The following CCDC141 variants were observed in gnomAD, a reference collection of about 807,000 sequenced individuals.
The protein encoded by CCDC141 is coiled-coil domain containing 141, also known as coiled-coil domain-containing protein 141.
Under a neutral mutation model 181.0 loss-of-function variants are expected in CCDC141, and 168 were observed. The observed-to-expected ratio is 0.93, with a 90% CI of 0.82 to 1.05. CCDC141 has a LOEUF of 1.05. CCDC141 is among the 50% of genes least tolerant of loss of function. The pLI is 0.00. For synonymous variants in CCDC141, 666 were observed against 642.3 expected (o/e 1.04, Z -0.56); for missense variants, 1,902 against 1,788.5 (o/e 1.06, Z -1.14).
intron 2 of CCDC141, among the ~76,000 whole-genome samples, chr2:179,009,084 TG>T (rs1305754044): frequency 6.6e-6 from 1 of 152,202 alleles, no homozygotes; most frequent in African/African-American, 2.4e-5. Flanking sequence ...TGCATGGGGT[TG>T]GTCCTGGGAC....
rs1691232019 is a variant in CCDC141 at position 178,978,677 on chromosome 2, T to G, written c.226-2A>C. On this transcript the variant is annotated splice_acceptor_variant, in intron 2 of 23. Coordinates refer to ENST00000443758, the MANE Select transcript of CCDC141 (RefSeq NM_173648.4). LOFTEE classifies it high-confidence loss of function. The stretch of plus-strand genomic sequence containing the variant: ...TTCCCATACCCGATCTTCCAAAGCC[T>G]AAGTACAAAAGAAAAAGGCATAAGG... 5 of 1,523,340 alleles carry G rather than the reference T, an allele frequency of 3.3e-6. 1 individual carries two copies. Among genetic ancestry groups the G allele is most frequent in the Middle Eastern group, 1.7e-4 (1 of 5,904 alleles). The allele number at this position is 1,523,340 out of a possible 1,614,324, so 94.4% of individuals were successfully genotyped here. A position where few individuals can be genotyped will look rare whatever the true frequency, so the allele number is the denominator to read the frequency against.
In CCDC141 at chr2:178,878,180, A is replaced by G. The variant is rs780995727; in HGVS notation, c.1720-37T>C. ...AAAAGAGAGTTAAGAACACTTAAAC[A>G]CATTTTTTTAAAGAAAAAGAACAGT... On this transcript the variant is annotated intron_variant, in intron 11 of 23. Transcript: ENST00000443758. The G allele has an allele frequency of 2.8e-6, 4 of 1,427,428 alleles. No homozygotes were observed. In the African/African-American group the frequency reaches 4.4e-5, roughly 16 times the overall value. The allele number at this position is 1,427,428 out of a possible 1,614,324, so 88.4% of individuals were successfully genotyped here.
intron 2 of CCDC141, among the ~76,000 whole-genome samples, chr2:179,012,403 C>T (rs532216254): frequency 1.3e-5 from 2 of 152,016 alleles, no homozygotes; most frequent in Non-Finnish European, 2.9e-5. Context: ...AATACAAACC[C>T]TCCTACCTTA....
intron 23 of CCDC141, among the ~76,000 whole-genome samples, chr2:178,835,600 G>A (rs1684444326): frequency 6.6e-6 from 1 of 152,082 alleles, no homozygotes; most frequent in Non-Finnish European, 1.5e-5. Flanking sequence ...GTTATTAATT[G>A]AGCACAGTTG....
At chr2:178,907,850 T>A (rs149915715) in intron 7 of CCDC141, among the ~76,000 whole-genome samples, 2 of 151,280 alleles carry the variant, frequency 1.3e-5, no homozygotes, top group Non-Finnish European at 2.9e-5. Context: ...AAAAAAAAAA[T>A]TAGCCAGGTG....
intron 6 of CCDC141, among the ~76,000 whole-genome samples, chr2:178,943,370 T>C (rs149757689): frequency 6.6e-6 from 1 of 152,300 alleles, no homozygotes; most frequent in South Asian, 2.1e-4. Context: ...CCAAAGACTT[T>C]GAATGCCTAC....
rs76860661 is a variant in CCDC141 at position 178,855,356 on chromosome 2, C to T, written c.3051G>A (p.Val1017=). Residue 1017 remains valine, a synonymous_variant, in exon 19 of 24, where the codon GTG becomes GTA. Coordinates refer to ENST00000443758, the MANE Select transcript of CCDC141 (RefSeq NM_173648.4). ...NLDLTEHFQE[V]IEECHFWYED... is the part of the protein sequence containing the mutation. The stretch of plus-strand genomic sequence containing the variant: ...TGCAAAAAGAGAATACCTCTTCTAT[C>T]ACCTCCTGGAAATGCTCAGTCAGGT... 3 of 1,607,974 alleles carry T rather than the reference C, an allele frequency of 1.9e-6. No homozygotes were observed.
intron 2 of CCDC141, among the ~76,000 whole-genome samples, chr2:179,010,740 T>C (rs551083592): frequency 6.6e-6 from 1 of 151,908 alleles, no homozygotes; most frequent in East Asian, 1.9e-4. Context: ...AAATACAAGT[T>C]AAAAAGCAAA....
chr2:178,886,713 CA>C (rs1227293188), intron 10 of CCDC141, 38 bp downstream of exon 10: 2 of 1,269,616 alleles, frequency 1.6e-6, no homozygotes, highest in Non-Finnish European at 2.1e-6. Context: ...ATTATCTTTA[CA>C]AAATTATAGC....
At chr2:178,815,617 G>A in the CCDC141 span, among the ~76,000 whole-genome samples, 26,365 of 151,990 alleles carry the variant, frequency 0.17, 2,722 homozygotes, top group Middle Eastern at 0.27. Flanking sequence ...AACCCCCAGC[G>A]GATATCAAAA....
intron 4 of CCDC141, among the ~76,000 whole-genome samples, chr2:178,966,852 G>GA (rs576287174): frequency 2.2e-4 from 34 of 151,804 alleles, no homozygotes; most frequent in African/African-American, 8.2e-4. Flanking sequence ...TAAGAACCTT[G>GA]AAAAAAAGGT....
chr2:178,973,323 G>C lies in CCDC141; in HGVS notation c.526+1734C>G, dbSNP rs550512356. 2.6e-5 allele frequency among the ~76,000 whole-genome samples: 4 copies of C among 152,154 alleles called. No homozygotes were observed. In the East Asian group the frequency reaches 7.7e-4, roughly 29 times the overall value. On this transcript the variant is annotated intron_variant, in intron 4 of 23. Coordinates refer to ENST00000443758, the MANE Select transcript of CCDC141 (RefSeq NM_173648.4). ...TCTGTGCTTCAAGTATCACACAGAA[G>C]GGCACAAACTCTCACAATAAATATG...
intron 22 of CCDC141, among the ~76,000 whole-genome samples, chr2:178,842,235 T>G (rs899800379): frequency 2.0e-5 from 3 of 152,222 alleles, no homozygotes; most frequent in Non-Finnish European, 2.9e-5. Context: ...AATCTGCTTT[T>G]CTTATATCAA....
At chr2:178,983,396 A>C (rs1361573379) in intron 2 of CCDC141, among the ~76,000 whole-genome samples, 1 of 152,204 alleles carries the variant, frequency 6.6e-6, no homozygotes, top group African/African-American at 2.4e-5. Context: ...GAAACTCTAA[A>C]AATCAGAGCA....
At chr2:178,823,536 C>G in the CCDC141 span, among the ~76,000 whole-genome samples, 2 of 152,104 alleles carry the variant, frequency 1.3e-5, no homozygotes, top group Admixed American at 6.5e-5. Context: ...CTTTAAAGAT[C>G]TAGATTCAGT....
At chr2:178,869,047 A>G (rs1685987988) in intron 15 of CCDC141, 70 bp downstream of exon 15, 1 of 1,161,662 alleles carries the variant, frequency 8.6e-7, no homozygotes, top group Non-Finnish European at 1.2e-6. Context: ...TTTATTTATT[A>G]TATAATAATT....
chr2:178,927,995 G>A (rs1271779416), intron 6 of CCDC141, among the ~76,000 whole-genome samples: 1 of 152,180 alleles, frequency 6.6e-6, no homozygotes, highest in Non-Finnish European at 1.5e-5. Context: ...GGGGAATGGA[G>A]CAGGGAATTA....
In CCDC141 at chr2:179,005,061, A is replaced by T. The variant is rs987375835; in HGVS notation, c.226-26386T>A. On this transcript the variant is annotated intron_variant, in intron 2 of 23. Transcript: ENST00000443758. Reference sequence around the variant, plus strand: ...GACTAAATTCTTAAAAGCCACAAAAATTTTTTTGGCTTCTTGAGAGCTTTT... The same window carrying T: ...GACTAAATTCTTAAAAGCCACAAAATTTTTTTTGGCTTCTTGAGAGCTTTT... Among the ~76,000 whole-genome samples the T allele has an allele frequency of 7.2e-5, 11 of 152,310 alleles. 1 individual carries two copies. The highest frequency in any genetic ancestry group is 3.4e-3 in the Middle Eastern group (1 of 294).
intron 7 of CCDC141, among the ~76,000 whole-genome samples, chr2:178,910,463 T>C (rs1165204584): frequency 6.6e-6 from 1 of 152,208 alleles, no homozygotes; most frequent in Non-Finnish European, 1.5e-5. Flanking sequence ...GAGTTGAGTC[T>C]AATTAGTGCT....
Sources: allele counts gnomAD v4.1 joint callset (sites outside exome capture counted in the v4.1 genomes callset), GRCh38; gene constraint gnomAD v4.1.1; transcripts MANE v1.5; gene names NCBI Gene and HGNC (gene_info 2026-07-23, HGNC 2026-07-21).